GALNT18: variants seen among roughly 807,000 people sequenced by gnomAD.
The protein encoded by GALNT18 is polypeptide N-acetylgalactosaminyltransferase 18.
GALNT18 carries 44 observed loss-of-function variants against 69.5 expected under a neutral mutation model. The observed-to-expected ratio is 0.63, with a 90% confidence interval of 0.50 to 0.81. The LOEUF is 0.81. GALNT18 is among the 40% of genes least tolerant of loss of function. GALNT18 has a pLI of 0.00. For missense variants in GALNT18, 715 were observed against 810.0 expected, an observed-to-expected ratio of 0.88 and a Z score of 1.42; for synonymous variants, 364 against 318.2, an observed-to-expected ratio of 1.14 and a Z score of -1.53.
At position 11,494,563 on chromosome 11, in the gene GALNT18, GA is replaced by G. The variant is rs1242597534; in HGVS notation, c.236-45628del. 2.6e-5 allele frequency among the ~76,000 whole-genome samples: 4 copies of G among 152,340 alleles called. No individual in the cohort carries two copies. Among genetic ancestry groups the G allele is most frequent in the Admixed American group, 1.3e-4 (2 of 15,306 alleles). On this transcript the variant is annotated intron_variant, in intron 1 of 10. Transcript: ENST00000227756. This position sits in a 1 kb window ranked among gnomAD's most constrained non-coding sequence, Gnocchi z 5.7. ...ATGAAAGACCCCTTGTGGGTGAGCT[GA>G]AGGCAGAGTCATGCCTCACAATTCA...
intron 10 of GALNT18, 86 bp downstream of exon 10, chr11:11,292,943 C>G (rs1245525553): frequency 9.7e-6 from 12 of 1,240,418 alleles, no homozygotes; most frequent in Non-Finnish European, 1.3e-5. Flanking sequence ...CCCTTCCCCT[C>G]TCCTCCACCA....
chr11:11,282,903 G>A lies in GALNT18; in HGVS notation c.1677+10126C>T, dbSNP rs369145988. Among the ~76,000 whole-genome samples, 86 of 151,184 alleles carry A rather than the reference G, an allele frequency of 5.7e-4. 3 individuals carry two copies. The South Asian group carries it at 0.011, about 20-fold the overall frequency. ...CCAAAGCATGCGAGAAGGTGATAAGGTTGTATACAAAAATGTAGACAAGGA... is the reference window on the plus strand; with the variant it reads ...CCAAAGCATGCGAGAAGGTGATAAGATTGTATACAAAAATGTAGACAAGGA... On this transcript the variant is annotated intron_variant, in intron 10 of 10. Transcript: ENST00000227756.
chr11:11,273,361 C>CAA (rs34932447), intron 10 of GALNT18, among the ~76,000 whole-genome samples: 1 of 151,946 alleles, frequency 6.6e-6, no homozygotes. Flanking sequence ...AGCAAGAAGG[C>CAA]AAAAAATCCA....
intron 1 of GALNT18, among the ~76,000 whole-genome samples, chr11:11,515,623 G>T (rs1435821466): frequency 1.3e-5 from 2 of 152,258 alleles, no homozygotes; most frequent in African/African-American, 4.8e-5. Context: ...GAGAAATGGA[G>T]TTGGGTTGGG....
chr11:11,486,616 A>G (rs1856650720), intron 1 of GALNT18, among the ~76,000 whole-genome samples: 1 of 152,178 alleles, frequency 6.6e-6, no homozygotes, highest in Non-Finnish European at 1.5e-5. Flanking sequence ...GACATTTAAC[A>G]CTCAATAAAT....
chr11:11,344,139 C>T (rs1377157140), intron 6 of GALNT18, among the ~76,000 whole-genome samples: 1 of 152,202 alleles, frequency 6.6e-6, no homozygotes, highest in African/African-American at 2.4e-5. Context: ...TGGCACAGCC[C>T]CTGATCTGGG....
chr11:11,416,710 C>T (rs1854870691), intron 3 of GALNT18, among the ~76,000 whole-genome samples: 1 of 152,212 alleles, frequency 6.6e-6, no homozygotes, highest in African/African-American at 2.4e-5. Context: ...ACACCAACCA[C>T]AGCCACCACA....
At position 11,541,463 on chromosome 11, in the gene GALNT18, G is replaced by T. The variant is rs1050949671; in HGVS notation, c.235+79896C>A. On this transcript the variant is annotated intron_variant, in intron 1 of 10. Coordinates refer to ENST00000227756, the MANE Select transcript of GALNT18 (RefSeq NM_198516.3). The surrounding 1 kb of genome is among the most constrained non-coding windows in gnomAD (Gnocchi z 4.8). ...TCCTCCCATCCACCTTCCACCTGTA[G>T]TTGGGGTGATCTTTCTAGACCACAA... is the stretch of plus-strand genomic sequence containing the variant. Among the ~76,000 whole-genome samples the T allele has an allele frequency of 2.0e-5, 3 of 152,124 alleles. No homozygotes were observed. Among genetic ancestry groups the T allele is most frequent in the Non-Finnish European group, 4.4e-5 (3 of 68,030 alleles).
chr11:11,425,822 T>A (rs1855116510), intron 3 of GALNT18, among the ~76,000 whole-genome samples: 1 of 152,176 alleles, frequency 6.6e-6, no homozygotes, highest in East Asian at 1.9e-4. Context: ...ACCAAAAACC[T>A]GTTGAAGGAC....
chr11:11,358,092 TG>T, intron 6 of GALNT18, among the ~76,000 whole-genome samples: 1 of 91,286 alleles, frequency 1.1e-5, no homozygotes, highest in Non-Finnish European at 2.6e-5. Flanking sequence ...CCTATGCCCA[TG>T]TCCAATTTTA....
At chr11:11,405,048 C>T (rs1180007721) in intron 3 of GALNT18, among the ~76,000 whole-genome samples, 1 of 152,204 alleles carries the variant, frequency 6.6e-6, no homozygotes, top group Non-Finnish European at 1.5e-5. Context: ...TGGCCAGACA[C>T]CTTCTTGTAC....
intron 1 of GALNT18, among the ~76,000 whole-genome samples, chr11:11,479,676 A>G (rs1441501152): frequency 1.3e-5 from 2 of 152,198 alleles, no homozygotes; most frequent in Non-Finnish European, 2.9e-5. Context: ...CTGAGGGATG[A>G]CATTAAACTC....
At chr11:11,351,955 C>A (rs549781353) in intron 6 of GALNT18, 8 of 1,594,054 alleles carry the variant, frequency 5.0e-6, no homozygotes, top group African/African-American at 1.3e-5. Context: ...TACTGCTGAG[C>A]GCCAGTGGCA....
chr11:11,296,722 T>C (rs1849407970), intron 9 of GALNT18, among the ~76,000 whole-genome samples: 1 of 152,184 alleles, frequency 6.6e-6, no homozygotes, highest in South Asian at 2.1e-4. Context: ...GAGCTGTTTA[T>C]TGCTCCAGAG....
Position 11,469,454 on chromosome 11 carries a change from G to C in GALNT18, c.236-20518C>G, listed in dbSNP as rs560624869. On this transcript the variant is annotated intron_variant, in intron 1 of 10. Coordinates refer to ENST00000227756, the MANE Select transcript of GALNT18 (RefSeq NM_198516.3). This position sits in a 1 kb window ranked among gnomAD's most constrained non-coding sequence, Gnocchi z 4.2. ...CATGGCAGAGACAGGCTGCTGCAGGGCTCAACAGAAGCCCCTGTCCTCTAG... is the reference window on the plus strand; with the variant it reads ...CATGGCAGAGACAGGCTGCTGCAGGCCTCAACAGAAGCCCCTGTCCTCTAG... 6.6e-6 allele frequency among the ~76,000 whole-genome samples: 1 copy of C among 152,288 alleles called. No homozygotes were observed. Among genetic ancestry groups the C allele is most frequent in the Admixed American group, 6.5e-5 (1 of 15,296 alleles).
At chr11:11,517,821 C>T in intron 1 of GALNT18, among the ~76,000 whole-genome samples, 1 of 152,164 alleles carries the variant, frequency 6.6e-6, no homozygotes, top group Admixed American at 6.5e-5. Flanking sequence ...CAGAAGAAGG[C>T]TTGACAAACT....
Position 11,378,239 on chromosome 11 carries a change from G to A in GALNT18, c.779+842C>T, listed in dbSNP as rs570195265. 3.3e-5 allele frequency among the ~76,000 whole-genome samples: 5 copies of A among 152,336 alleles called. No homozygotes were observed. In the South Asian group the frequency reaches 1.0e-3, roughly 32 times the overall value. ...CGCCCTGCTGCTCCTTCCTGCTGAA[G>A]TGCCCTTGTCTCCCACTCCCCGGGG... is the stretch of plus-strand genomic sequence containing the variant. On this transcript the variant is annotated intron_variant, in intron 4 of 10. Transcript: ENST00000227756.
intron 3 of GALNT18, among the ~76,000 whole-genome samples, chr11:11,384,105 G>T (rs1159852995): frequency 6.6e-6 from 1 of 151,960 alleles, no homozygotes; most frequent in African/African-American, 2.4e-5. Flanking sequence ...TACTAATCTA[G>T]TTGCTGTGAT....
In GALNT18 at chr11:11,605,471, G is replaced by A. The variant is rs1859729350; in HGVS notation, c.235+15888C>T. Reference sequence around the variant, plus strand: ...TCACCGCCACCCTGAAGACACAGGTGGTGGAGTCCATTCTGAGGTTCTCAC... The same window carrying A: ...TCACCGCCACCCTGAAGACACAGGTAGTGGAGTCCATTCTGAGGTTCTCAC... On this transcript the variant is annotated intron_variant, in intron 1 of 10. Transcript: ENST00000227756. This position sits in a 1 kb window ranked among gnomAD's most constrained non-coding sequence, Gnocchi z 4.7. 6.6e-6 allele frequency among the ~76,000 whole-genome samples: 1 copy of A among 152,180 alleles called. No individual in the cohort carries two copies. Among genetic ancestry groups the A allele is most frequent in the South Asian group, 2.1e-4 (1 of 4,826 alleles).
Sources: allele counts gnomAD v4.1 joint callset (sites outside exome capture counted in the v4.1 genomes callset), GRCh38; gene constraint gnomAD v4.1.1; non-coding constraint Gnocchi (gnomAD v3.1); transcripts MANE v1.5; gene names NCBI Gene and HGNC (gene_info 2026-07-23, HGNC 2026-07-21).